The following FSHR variants were observed in gnomAD, a reference collection of about 807,000 sequenced individuals.
The protein encoded by FSHR is follicle stimulating hormone receptor, also known as follicle-stimulating hormone receptor.
A neutral mutation model predicts 52.1 loss-of-function variants in FSHR; 46 were observed. The observed-to-expected ratio is 0.88, with a 90% CI of 0.70 to 1.13. The LOEUF is 1.13. FSHR is among the 50% of genes most tolerant of loss of function. The pLI is 0.00. For missense variants in FSHR, 964 were observed against 834.6 expected, an observed-to-expected ratio of 1.16 and a Z score of -1.91; for synonymous variants, 399 against 309.6, an observed-to-expected ratio of 1.29 and a Z score of -3.03.
chr2:49,063,168 T>C (rs953308332), intron 2 of FSHR, among the ~76,000 whole-genome samples: 5 of 152,046 alleles, frequency 3.3e-5, no homozygotes, highest in Non-Finnish European at 4.4e-5. Flanking sequence ...TTAATTTAAG[T>C]GTGGGAGGAT....
Position 49,068,261 on chromosome 2 carries a change from A to T in FSHR, c.182T>A (p.Ile61Asn), listed in dbSNP as rs772911094. 3.7e-6 allele frequency: 6 copies of T among 1,611,442 alleles called. No individual in the cohort carries two copies. The East Asian group carries it at 1.1e-4, about 30-fold the overall frequency. ...AAATCCTGAAAATGCACCTTTTTGG[A>T]TGACTCGAAGCTTGGTGAGGACAAA... is the stretch of plus-strand genomic sequence containing the variant. ...LRFVLTKLRV[I>N]QKGAFSGFGD... Residue 61 changes from isoleucine (I) to asparagine (N), a missense_variant, in exon 2 of 10, where the codon ATC (isoleucine) becomes AAC (asparagine). By Grantham distance (149) the Ile-to-Asn change is moderately radical (BLOSUM62 -3). Coordinates refer to ENST00000406846, the MANE Select transcript of FSHR (RefSeq NM_000145.4).
At chr2:48,970,388 T>C (rs1674689626) in intron 8 of FSHR, among the ~76,000 whole-genome samples, 3 of 152,342 alleles carry the variant, frequency 2.0e-5, no homozygotes, top group African/African-American at 7.2e-5. Flanking sequence ...TCTGATCTCC[T>C]TGATTTTGTA....
intron 1 of FSHR, among the ~76,000 whole-genome samples, chr2:49,116,329 G>A (rs1175292391): frequency 1.3e-5 from 2 of 152,122 alleles, no homozygotes; most frequent in African/African-American, 2.4e-5. Flanking sequence ...ATGAGATAAC[G>A]GCTGACCTAG....
intron 1 of FSHR, among the ~76,000 whole-genome samples, chr2:49,126,074 A>T (rs1482711598): frequency 6.6e-6 from 1 of 152,234 alleles, no homozygotes; most frequent in Non-Finnish European, 1.5e-5. Flanking sequence ...TAGAATCACA[A>T]ATGACAAAGC....
intron 2 of FSHR, among the ~76,000 whole-genome samples, chr2:49,029,279 G>GGGCC (rs1288900256): frequency 2.0e-4 from 30 of 152,130 alleles, no homozygotes; most frequent in African/African-American, 6.7e-4. Context: ...ATTGAATTAC[G>GGGCC]GGCCCTTGGC....
intron 4 of FSHR, among the ~76,000 whole-genome samples, chr2:49,008,174 C>G (rs1410258803): frequency 2.4e-5 from 1 of 41,914 alleles, no homozygotes; most frequent in Non-Finnish European, 6.2e-5. Context: ...CTATCCCTCC[C>G]CCCTCCCCCA....
chr2:49,032,912 A>G (rs1261406879), intron 2 of FSHR, among the ~76,000 whole-genome samples: 1 of 152,226 alleles, frequency 6.6e-6, no homozygotes, highest in African/African-American at 2.4e-5. Context: ...GAGAAAAAGA[A>G]TACCTTCTGA....
At chr2:49,124,825 C>G (rs1671943800) in intron 1 of FSHR, among the ~76,000 whole-genome samples, 1 of 152,342 alleles carries the variant, frequency 6.6e-6, no homozygotes, top group Non-Finnish European at 1.5e-5. Flanking sequence ...TTAATCAGAT[C>G]ACATCCTTTC....
intron 4 of FSHR, among the ~76,000 whole-genome samples, chr2:48,993,668 AT>A (rs2104113860): frequency 6.6e-6 from 1 of 152,274 alleles, no homozygotes; most frequent in South Asian, 2.1e-4. Flanking sequence ...TTAGAGTAAA[AT>A]TTATACTTCT....
At chr2:49,089,184 T>C (rs906653233) in intron 1 of FSHR, among the ~76,000 whole-genome samples, 12 of 152,072 alleles carry the variant, frequency 7.9e-5, no homozygotes, top group Admixed American at 4.6e-4. Flanking sequence ...GGATTATATC[T>C]ACACCTATTC....
At chr2:48,977,084 C>A (rs1181750130) in intron 8 of FSHR, among the ~76,000 whole-genome samples, 1 of 151,698 alleles carries the variant, frequency 6.6e-6, no homozygotes. Context: ...ACATGTATCC[C>A]AGAACTTAAA....
At position 49,140,571 on chromosome 2, in the gene FSHR, G is replaced by A. The variant is rs191695796; in HGVS notation, c.152+13695C>T. 2.1e-3 allele frequency among the ~76,000 whole-genome samples: 316 copies of A among 152,130 alleles called. 1 individual carries two copies. The highest frequency in any genetic ancestry group is 7.2e-3 in the African/African-American group (299 of 41,502). On this transcript the variant is annotated intron_variant, in intron 1 of 9. Coordinates refer to ENST00000406846, the MANE Select transcript of FSHR (RefSeq NM_000145.4). ...AAAAATTAGCCAGGCATGATGGTGC[G>A]TGCCTGTAATCCCAGCTACTCTAGA...
intron 2 of FSHR, among the ~76,000 whole-genome samples, chr2:49,030,223 A>G (rs1451078611): frequency 6.7e-6 from 1 of 149,674 alleles, no homozygotes; most frequent in Non-Finnish European, 1.5e-5. Context: ...GCCAGTGTTG[A>G]TTTCCTCCTT....
intron 1 of FSHR, among the ~76,000 whole-genome samples, chr2:49,142,193 T>C (rs537222778): frequency 6.7e-4 from 102 of 152,338 alleles, no homozygotes; most frequent in African/African-American, 2.4e-3. Flanking sequence ...TCAACTTTAG[T>C]TCTAGTTTCT....
chr2:48,962,788 A>T lies in FSHR; in HGVS notation c.2033T>A (p.Val678Asp), dbSNP rs777591569. 3 of 1,614,056 alleles carry T rather than the reference A, an allele frequency of 1.9e-6. No homozygotes were observed. Among genetic ancestry groups the T allele is most frequent in the Non-Finnish European group, 2.5e-6 (3 of 1,179,958 alleles). Residue 678 changes from valine to aspartate, a missense_variant, in exon 10 of 10, where the codon GTC becomes GAC. Coordinates refer to ENST00000406846, the MANE Select transcript of FSHR (RefSeq NM_000145.4). ...AAGTATGTAAGTGGAACCACTGGTG[A>T]CTCTGGGAGCTGAAGAGCAGTGGCC... ...RNGHCSSAPR[V>D]TSGSTYILVP...
At chr2:49,007,007 G>A (rs1667096138) in intron 4 of FSHR, among the ~76,000 whole-genome samples, 1 of 152,124 alleles carries the variant, frequency 6.6e-6, no homozygotes, top group African/African-American at 2.4e-5. Flanking sequence ...AAAGCCTGGA[G>A]TGTACTATGA....
intron 1 of FSHR, among the ~76,000 whole-genome samples, chr2:49,081,591 C>A (rs1670171694): frequency 1.3e-5 from 2 of 152,158 alleles, no homozygotes; most frequent in East Asian, 1.9e-4. Context: ...TCAGATAGTA[C>A]CTTTACCTCC....
chr2:49,053,257 G>A (rs539120483), intron 2 of FSHR, among the ~76,000 whole-genome samples: 1 of 152,176 alleles, frequency 6.6e-6, no homozygotes, highest in South Asian at 2.1e-4. Flanking sequence ...ATGTTGATTG[G>A]TCTCATTTGC....
At chr2:49,090,149 G>A (rs1670550959) in intron 1 of FSHR, among the ~76,000 whole-genome samples, 1 of 148,794 alleles carries the variant, frequency 6.7e-6, no homozygotes, top group Admixed American at 6.8e-5. Flanking sequence ...GTGTGTGTGT[G>A]TGTGCATGTG....
Sources: gnomAD v4.1 joint callset for allele counts (sites outside exome capture counted in the v4.1 genomes callset) on GRCh38, gnomAD v4.1.1 for gene constraint, MANE v1.5 for transcripts, NCBI Gene and HGNC (gene_info 2026-07-23, HGNC 2026-07-21) for gene names.